Variants in MYO16 observed in about 807,000 individuals in gnomAD.
MYO16 encodes the protein unconventional myosin-XVI.
MYO16 carries 94 observed loss-of-function variants against 205.3 expected under a neutral mutation model. The ratio of observed to expected loss-of-function variants is 0.46; its 90% CI spans 0.39 to 0.54. The LOEUF (loss-of-function observed/expected upper bound fraction) is 0.54. Among genes scored for constraint, MYO16 ranks in the 20% least tolerant of loss-of-function variants. The pLI, the probability that MYO16 is intolerant of heterozygous loss-of-function variation, is 0.00. For synonymous variants in MYO16, 988 were observed against 954.0 expected, an observed-to-expected ratio of 1.04 and a Z score of -0.66; for missense variants, 2,315 against 2,387.5, an observed-to-expected ratio of 0.97 and a Z score of 0.63.
At chr13:108,518,618 G>A in the MYO16 span, among the ~76,000 whole-genome samples, 60 of 152,230 alleles carry the variant, frequency 3.9e-4, no homozygotes, top group African/African-American at 9.9e-4. Context: ...TTCACCATGC[G>A]TAATGTGACT....
At chr13:108,733,993 G>A (rs1257239775) in intron 4 of MYO16, among the ~76,000 whole-genome samples, 1 of 152,120 alleles carries the variant, frequency 6.6e-6, no homozygotes, top group Non-Finnish European at 1.5e-5. Context: ...AAATAACACA[G>A]TAGATTCTTC....
chr13:109,049,708 A>T (rs530222892), intron 24 of MYO16, among the ~76,000 whole-genome samples: 1 of 151,926 alleles, frequency 6.6e-6, no homozygotes, highest in African/African-American at 2.4e-5. Context: ...GACCTGCTAT[A>T]ACTATAAATA....
At chr13:108,849,550 T>TGA (rs1555305361) in intron 10 of MYO16, among the ~76,000 whole-genome samples, 1 of 149,320 alleles carries the variant, frequency 6.7e-6, no homozygotes, top group Non-Finnish European at 1.5e-5. Flanking sequence ...TGTGTGTGTG[T>TGA]GTAACTTATC....
intron 3 of MYO16, among the ~76,000 whole-genome samples, chr13:108,715,973 A>G (rs1594235527): frequency 6.6e-6 from 1 of 151,094 alleles, no homozygotes; most frequent in Non-Finnish European, 1.5e-5. Context: ...TACTTTTCTT[A>G]GCAAGTGATG....
At chr13:108,892,591 A>G (rs367883859) in intron 14 of MYO16, among the ~76,000 whole-genome samples, 1 of 152,298 alleles carries the variant, frequency 6.6e-6, no homozygotes, top group East Asian at 1.9e-4. Flanking sequence ...AGCATAACCT[A>G]TCTTCTTTGT....
intron 20 of MYO16, among the ~76,000 whole-genome samples, chr13:108,987,696 A>G (rs1264243359): frequency 6.6e-6 from 1 of 152,186 alleles, no homozygotes; most frequent in Non-Finnish European, 1.5e-5. Flanking sequence ...CTACTGGTCT[A>G]ACTCAGTCTA....
chr13:108,775,647 C>T (rs1488162739), intron 4 of MYO16, among the ~76,000 whole-genome samples: 1 of 152,124 alleles, frequency 6.6e-6, no homozygotes, highest in African/African-American at 2.4e-5. Flanking sequence ...TGAAGTCTTG[C>T]TTTGCAACTC....
rs1186561491 is a variant in MYO16, at chr13:108,667,315, G to GTTTTTTTTT, written c.292+1170_292+1171insTTTTTTTTT. Among the ~76,000 whole-genome samples, 8 of 118,294 alleles carry GTTTTTTTTT rather than the reference G, an allele frequency of 6.8e-5. 1 individual carries two copies. Among genetic ancestry groups the GTTTTTTTTT allele is most frequent in the Non-Finnish European group, 1.0e-4 (6 of 57,578 alleles). The allele number at this position is 118,294 out of a possible 152,430, so 77.6% of individuals were successfully genotyped here. ...AAACTGTAATATTCTGAGAATTTCT[G>GTTTTTTTTT]TTTTGTTTTTTTTTTTTTTTTGTCT... On this transcript the variant is annotated intron_variant, in intron 2 of 34. Transcript: ENST00000457511.
intron 1 of MYO16, among the ~76,000 whole-genome samples, chr13:108,612,712 G>A (rs1879219898): frequency 6.6e-6 from 1 of 152,064 alleles, no homozygotes; most frequent in Non-Finnish European, 1.5e-5. Context: ...GGGTTGGGAG[G>A]GGTAGGCTCT....
chr13:109,129,371 C>T (rs947481882), intron 31 of MYO16, among the ~76,000 whole-genome samples: 1 of 152,024 alleles, frequency 6.6e-6, no homozygotes, highest in Admixed American at 6.6e-5. Context: ...TAGATGAGAT[C>T]GTCCATAGGA....
chr13:108,870,443 G>C (rs1878995628), intron 12 of MYO16, among the ~76,000 whole-genome samples: 1 of 152,016 alleles, frequency 6.6e-6, no homozygotes. Context: ...GTCTCTGAAA[G>C]AGTTTGTAAA....
chr13:108,639,177 G>A (rs754369432), intron 1 of MYO16, among the ~76,000 whole-genome samples: 7 of 152,128 alleles, frequency 4.6e-5, no homozygotes, highest in Non-Finnish European at 8.8e-5. Context: ...GTGGATTAAA[G>A]GAGAGACTGA....
At chr13:108,559,470 C>CTTTTTTTTTTTTTTTTT in the MYO16 span, among the ~76,000 whole-genome samples, 6 of 87,412 alleles carry the variant, frequency 6.9e-5, no homozygotes, top group Admixed American at 2.9e-4. Flanking sequence ...TTTTTCTTTT[C>CTTTTTTTTTTTTTTTTT]TTTTTTTTTT....
At chr13:108,575,098 A>C in the MYO16 span, among the ~76,000 whole-genome samples, 1 of 151,570 alleles carries the variant, frequency 6.6e-6, no homozygotes, top group Non-Finnish European at 1.5e-5. Flanking sequence ...TCACACCTCA[A>C]GTGTTCATGG....
At chr13:109,082,155 C>T (rs996655345) in intron 27 of MYO16, among the ~76,000 whole-genome samples, 3 of 152,162 alleles carry the variant, frequency 2.0e-5, no homozygotes, top group Non-Finnish European at 4.4e-5. Flanking sequence ...AATTCACCAT[C>T]GTCGTAGACT....
At chr13:108,572,886 A>G in the MYO16 span, among the ~76,000 whole-genome samples, 1 of 152,200 alleles carries the variant, frequency 6.6e-6, no homozygotes. Context: ...TCCAACCACA[A>G]CAAGTGCTAA....
intron 9 of MYO16, among the ~76,000 whole-genome samples, chr13:108,829,802 TA>T (rs540458610): frequency 2.8e-4 from 43 of 152,186 alleles, no homozygotes; most frequent in African/African-American, 1.0e-3. Context: ...TTGACCTTAA[TA>T]AAAGGATAAG....
chr13:108,624,111 G>A (rs1340456249), intron 1 of MYO16, among the ~76,000 whole-genome samples: 1 of 152,140 alleles, frequency 6.6e-6, no homozygotes, highest in Non-Finnish European at 1.5e-5. Context: ...GGAAAAGTAT[G>A]AAGGAGAGGC....
intron 34 of MYO16, among the ~76,000 whole-genome samples, chr13:109,189,667 G>C (rs928384129): frequency 6.6e-6 from 1 of 152,118 alleles, no homozygotes; most frequent in Non-Finnish European, 1.5e-5. Flanking sequence ...TCTTTCAACA[G>C]TCATACAGGG....
Sources: allele counts gnomAD v4.1 joint callset (sites outside exome capture counted in the v4.1 genomes callset), GRCh38; gene constraint gnomAD v4.1.1; transcripts MANE v1.5; gene names NCBI Gene and HGNC (gene_info 2026-07-23, HGNC 2026-07-21).